PXN: variants seen among roughly 807,000 people sequenced by gnomAD.
PXN encodes the protein testicular tissue protein Li 134.
A neutral mutation model predicts 103.6 loss-of-function variants in PXN; 61 were observed. The ratio of observed to expected loss-of-function variants is 0.59; its 90% CI spans 0.48 to 0.73. The LOEUF (loss-of-function observed/expected upper bound fraction) is 0.73. Ranked by LOEUF, PXN falls within the 30% of genes least tolerant of loss-of-function variation. The probability of loss-of-function intolerance (pLI) is 0.00; values close to 1 mark genes in which losing one functional copy is unlikely to be tolerated. For synonymous variants in PXN, 562 were observed against 607.8 expected, an observed-to-expected ratio of 0.92 and a Z score of 1.11; for missense variants, 1,274 against 1,460.3, an observed-to-expected ratio of 0.87 and a Z score of 2.08.
chr12:120,216,950 T>A lies in PXN; in HGVS notation c.1883A>T (p.Glu628Val). ...QGRLGIQPEAEEPAEAAGPSA... is the reference protein window; with the variant it reads ...QGRLGIQPEAVEPAEAAGPSA... ...GGGCCCCGCCGCCTCCGCCGGCTCC[T>A]CTGCCTCAGGCTGGATGCCCAGCCG... The change falls in exon 8 of 15, where the codon GAG becomes GTG. Residue 628 changes from glutamate (E) to valine (V), a missense_variant. By Grantham distance (121) the Glu-to-Val change is moderately radical (BLOSUM62 -2). Transcript: ENST00000637617. The surrounding 1 kb of genome is among the most constrained non-coding windows in gnomAD (Gnocchi z 5.1). The A allele has an allele frequency of 1.3e-6, 2 of 1,534,422 alleles. No individual in the cohort carries two copies. The highest frequency in any genetic ancestry group is 1.2e-5 in the South Asian group (1 of 84,190).
chr12:120,223,896 C>T, intron 2 of PXN, 63 bp from the exon 3 acceptor site: 1 of 1,268,992 alleles, frequency 7.9e-7, no homozygotes, highest in Non-Finnish European at 1.1e-6. Context: ...GGGCCAGGAG[C>T]AGCTCCAGTC....
chr12:120,234,366 G>A (rs747181795), intron 1 of PXN, among the ~76,000 whole-genome samples: 4 of 152,030 alleles, frequency 2.6e-5, no homozygotes, highest in African/African-American at 4.8e-5. Context: ...CAGAGATTGC[G>A]CCACTGCACT....
chr12:120,215,811 G>T lies in PXN; in HGVS notation c.2302-150C>A. On this transcript the variant is annotated intron_variant, in intron 9 of 14. Coordinates refer to ENST00000637617, the MANE Select transcript of PXN (RefSeq NM_001385981.1). The surrounding 1 kb of genome is among the most constrained non-coding windows in gnomAD (Gnocchi z 4.9). ...GACCAAAATTGGGGGAAAAAATCTG[G>T]AGAAAAAGAGCCCTGAGAGAGAGGC... is the stretch of plus-strand genomic sequence containing the variant. 1 of 1,283,832 alleles carries T rather than the reference G, an allele frequency of 7.8e-7. No homozygotes were observed. Among genetic ancestry groups the T allele is most frequent in the Non-Finnish European group, 1.0e-6 (1 of 972,092 alleles). The allele number at this position is 1,283,832 out of a possible 1,614,324, so 79.5% of individuals were successfully genotyped here.
chr12:120,262,414 G>C (rs753731089), intron 1 of PXN, among the ~76,000 whole-genome samples: 4 of 152,116 alleles, frequency 2.6e-5, no homozygotes, highest in Admixed American at 6.5e-5. Context: ...AGGCCCCAAG[G>C]CTCATCCCCC....
intron 1 of PXN, among the ~76,000 whole-genome samples, chr12:120,251,305 G>A (rs914298331): frequency 4.6e-5 from 7 of 151,028 alleles, no homozygotes; most frequent in African/African-American, 1.7e-4. Flanking sequence ...ATCACTTGAG[G>A]TCAGGAGTTT....
intron 1 of PXN, among the ~76,000 whole-genome samples, chr12:120,244,335 A>C (rs1287211983): frequency 6.6e-6 from 1 of 151,646 alleles, no homozygotes; most frequent in Non-Finnish European, 1.5e-5. Flanking sequence ...AAGATGGTGA[A>C]ACCCCATCTC....
chr12:120,219,708 A>G lies in PXN; in HGVS notation c.1215T>C (p.Cys405=). 1.3e-6 allele frequency: 2 copies of G among 1,595,154 alleles called. No homozygotes were observed. Among genetic ancestry groups the G allele is most frequent in the African/African-American group, 1.3e-5 (1 of 74,948 alleles). Residue 405 remains cysteine (C), a synonymous_variant, in exon 7 of 15, where the codon TGT becomes TGC. Coordinates refer to ENST00000637617, the MANE Select transcript of PXN (RefSeq NM_001385981.1). The surrounding 1 kb of genome is among the most constrained non-coding windows in gnomAD (Gnocchi z 6.5). ...SGAPRCHTVP[C]AGSTALQEPG... Reference sequence around the variant, plus strand: ...GCTCTTGGAGAGCTGTGCTCCCAGCACAGGGTACAGTGTGGCAGCGGGGAG... The same window carrying G: ...GCTCTTGGAGAGCTGTGCTCCCAGCGCAGGGTACAGTGTGGCAGCGGGGAG...
At position 120,222,733 on chromosome 12, in the gene PXN, G is replaced by C. The variant is rs759679585; in HGVS notation, c.511C>G (p.Pro171Ala). 18 of 1,606,726 alleles carry C rather than the reference G, an allele frequency of 1.1e-5. No individual in the cohort carries two copies. Among genetic ancestry groups the C allele is most frequent in the Non-Finnish European group, 1.5e-5 (18 of 1,176,788 alleles). ...GFPADEANSS[P>A]PLPGALSPLY... The stretch of plus-strand genomic sequence containing the variant: ...GGGCTCAGGGCCCCAGGAAGCGGGG[G>C]GCTTGAGTTGGCCTCATCTTGCAGA... Residue 171 changes from proline (P) to alanine (A), a missense_variant, in exon 5 of 15, where the codon CCC becomes GCC. Physicochemically the swap from Pro to Ala is conservative, Grantham distance 27. Around this residue, in one of 2 missense-constraint regions of PXN, gnomAD observed 1,178 missense variants for 1,309.0 expected, o/e 0.90. Coordinates refer to ENST00000637617, the MANE Select transcript of PXN (RefSeq NM_001385981.1). This position sits in a 1 kb window ranked among gnomAD's most constrained non-coding sequence, Gnocchi z 4.7.
At chr12:120,249,907 A>C in intron 1 of PXN, 1 of 985,510 alleles carries the variant, frequency 1.0e-6, no homozygotes, top group Non-Finnish European at 1.2e-6. Context: ...GTGCCTGATG[A>C]AGCTAAGCAG....
Position 120,254,697 on chromosome 12 carries a change from C to T in PXN, c.13+10920G>A, listed in dbSNP as rs902104340. Among the ~76,000 whole-genome samples, 4 of 151,964 alleles carry T rather than the reference C, an allele frequency of 2.6e-5. No homozygotes were observed. The South Asian group carries it at 6.2e-4, about 24-fold the overall frequency. ...TCCCAAATAGCTGGAATTACAGGCA[C>T]GTGCCACCACGCCCAGCTAATTTTT... On this transcript the variant is annotated intron_variant, in intron 1 of 14. Transcript: ENST00000637617.
intron 1 of PXN, chr12:120,264,298 T>A (rs937542306): frequency 6.6e-6 from 1 of 152,402 alleles, no homozygotes; most frequent in African/African-American, 2.4e-5. Flanking sequence ...TCCTGTCTGC[T>A]GAATCTACTC....
At chr12:120,232,146 C>T (rs115397584) in intron 1 of PXN, among the ~76,000 whole-genome samples, 1 of 152,184 alleles carries the variant, frequency 6.6e-6, no homozygotes, top group Admixed American at 6.5e-5. Flanking sequence ...CTCAGCCTCC[C>T]GAGTAGCTAG....
Position 120,243,526 on chromosome 12 carries a change from C to T in PXN, c.14-19149G>A, listed in dbSNP as rs1482217014. ...GCAACACAGCAAGACCCTGTCTCTA[C>T]AAAAAATTTTTAAAAATTCGCCAGG... On this transcript the variant is annotated intron_variant, in intron 1 of 14. Transcript: ENST00000637617. Among the ~76,000 whole-genome samples the T allele has an allele frequency of 3.9e-5, 6 of 152,256 alleles. No individual in the cohort carries two copies. The East Asian group carries it at 9.7e-4, about 24-fold the overall frequency.
At chr12:120,262,885 A>G (rs1894087802) in intron 1 of PXN, among the ~76,000 whole-genome samples, 2 of 152,216 alleles carry the variant, frequency 1.3e-5, no homozygotes, top group South Asian at 4.1e-4. Context: ...GAGAACACAC[A>G]GGGAAGGGCA....
intron 1 of PXN, among the ~76,000 whole-genome samples, chr12:120,254,089 G>A (rs750376749): frequency 1.3e-5 from 2 of 152,076 alleles, no homozygotes; most frequent in East Asian, 1.9e-4. Flanking sequence ...ATGTTGGCCA[G>A]GCTGGTCTCG....
chr12:120,259,035 C>T (rs530995349), intron 1 of PXN, among the ~76,000 whole-genome samples: 157 of 152,026 alleles, frequency 1.0e-3, no homozygotes, highest in Middle Eastern at 3.4e-3. Context: ...TGCCACTGCA[C>T]TCCAGCCTGG....
At position 120,219,069 on chromosome 12, in the gene PXN, G is replaced by T; in HGVS notation, c.1716+138C>A. The T allele has an allele frequency of 1.0e-6, 1 of 956,058 alleles. No individual in the cohort carries two copies. Among genetic ancestry groups the T allele is most frequent in the Non-Finnish European group, 1.5e-6 (1 of 667,640 alleles). 59.2% of individuals were successfully genotyped at this position (956,058 alleles called of 1,614,324 possible). The stretch of plus-strand genomic sequence containing the variant: ...GCCCACTGCCAAGTGCTGACTGTCA[G>T]GTCCGGCCACAGTGTCTCAGCATTT... On this transcript the variant is annotated intron_variant, in intron 7 of 14. Transcript: ENST00000637617. This position sits in a 1 kb window ranked among gnomAD's most constrained non-coding sequence, Gnocchi z 6.5.
rs1054657935 is a variant in PXN at position 120,220,664 on chromosome 12, A to G, written c.832-573T>C. Among the ~76,000 whole-genome samples the G allele has an allele frequency of 1.3e-5, 2 of 152,138 alleles. No individual in the cohort carries two copies. Among genetic ancestry groups the G allele is most frequent in the South Asian group, 2.1e-4 (1 of 4,824 alleles). Reference sequence around the variant, plus strand: ...TCCCTCAGGCCAGGCCCTGAATCCAACTTACTTGCTTCTGACCATGGCTGC... The same window carrying G: ...TCCCTCAGGCCAGGCCCTGAATCCAGCTTACTTGCTTCTGACCATGGCTGC... On this transcript the variant is annotated intron_variant, in intron 6 of 14. Transcript: ENST00000637617. The surrounding 1 kb of genome is among the most constrained non-coding windows in gnomAD (Gnocchi z 6.1).
rs1286547378 is a variant in PXN, at chr12:120,224,366, C to T, written c.25G>A (p.Ala9Thr). The T allele has an allele frequency of 6.2e-7, 1 of 1,613,718 alleles. No homozygotes were observed. Among genetic ancestry groups the T allele is most frequent in the African/African-American group, 1.3e-5 (1 of 74,942 alleles). ...TGGGAGGTGGTAGACTCCAAGTCCGCCAGCAGGGCGTCTGCAAAGAGAAGG... is the reference window on the plus strand; with the variant it reads ...TGGGAGGTGGTAGACTCCAAGTCCGTCAGCAGGGCGTCTGCAAAGAGAAGG... Reference protein sequence around the residue: MDDLDALLADLESTTSHIS... With the variant: MDDLDALLTDLESTTSHIS... The change falls in exon 2 of 15, where the codon GCG becomes ACG. Residue 9 changes from alanine (A) to threonine (T), a missense_variant. Physicochemically the swap from Ala to Thr is moderately conservative, Grantham distance 58. Transcript: ENST00000637617. This position sits in a 1 kb window ranked among gnomAD's most constrained non-coding sequence, Gnocchi z 5.0.
Sources: gnomAD v4.1 joint callset for allele counts (sites outside exome capture counted in the v4.1 genomes callset) on GRCh38, gnomAD v4.1.1 for gene constraint, gnomAD v4.1.1 regional missense constraint, Gnocchi (gnomAD v3.1) non-coding constraint, MANE v1.5 for transcripts, NCBI Gene and HGNC (gene_info 2026-07-23, HGNC 2026-07-21) for gene names.